Variants in NAV1 observed in about 807,000 individuals in gnomAD.
The protein encoded by NAV1 is pore membrane and/or filament interacting like protein 3.
A neutral mutation model predicts 175.2 loss-of-function variants in NAV1; 18 were observed. The ratio of observed to expected loss-of-function variants is 0.10; its 90% CI spans 0.07 to 0.15. The LOEUF (loss-of-function observed/expected upper bound fraction) is 0.15, where lower values mean the gene tolerates loss of function less well. Ranked by LOEUF, NAV1 falls within the 10% of genes least tolerant of loss-of-function variation. NAV1 has a pLI of 1.00. For synonymous variants in NAV1, 897 were observed against 978.7 expected (o/e 0.92, Z 1.56); for missense variants, 1,731 against 2,436.6 (o/e 0.71, Z 6.10).
intron 1 of NAV1, among the ~76,000 whole-genome samples, chr1:201,569,411 A>G (rs1558000974): frequency 6.6e-6 from 1 of 152,210 alleles, no homozygotes; most frequent in Non-Finnish European, 1.5e-5. Flanking sequence ...TCAGCTCTTG[A>G]AACAAATGAC....
chr1:201,664,877 A>G (rs1023217402), intron 1 of NAV1, among the ~76,000 whole-genome samples: 1 of 151,964 alleles, frequency 6.6e-6, no homozygotes, highest in African/African-American at 2.4e-5. Context: ...CAGGCCTGCC[A>G]TCTCTAGAAA....
At chr1:201,692,536 G>C (rs1261769585) in intron 1 of NAV1, among the ~76,000 whole-genome samples, 6 of 152,226 alleles carry the variant, frequency 3.9e-5, no homozygotes, top group South Asian at 2.1e-4. Flanking sequence ...AAAATCTTTA[G>C]AGTGAGTTCC....
At chr1:201,626,006 G>A (rs1668320548) in intron 1 of NAV1, among the ~76,000 whole-genome samples, 1 of 152,158 alleles carries the variant, frequency 6.6e-6, no homozygotes, top group African/African-American at 2.4e-5. Context: ...GGGTTGGAGA[G>A]AGGGTCATGG....
chr1:201,582,610 G>T (rs1666899854), intron 1 of NAV1, among the ~76,000 whole-genome samples: 1 of 152,234 alleles, frequency 6.6e-6, no homozygotes, highest in Admixed American at 6.5e-5. Context: ...GGAATGGTGA[G>T]GAATGGATGG....
In NAV1 at chr1:201,810,067, G is replaced by A. The variant is rs757792676; in HGVS notation, c.4523G>A (p.Cys1508Tyr). The A allele has an allele frequency of 4.3e-6, 7 of 1,613,628 alleles. No homozygotes were observed. Among genetic ancestry groups the A allele is most frequent in the Non-Finnish European group, 5.1e-6 (6 of 1,179,932 alleles). ...GCAGAGCCCCCCGAGATGCCTCCTT[G>A]CCGTCGAGGTGTCAATAACATATCA... Residue 1508 changes from cysteine (C) to tyrosine (Y), a missense_variant, in exon 23 of 30, where the codon TGC becomes TAC. Cys to Tyr is a radical substitution (Grantham distance 194). Coordinates refer to ENST00000367296, the Ensembl canonical transcript of NAV1. The surrounding 1 kb of genome is among the most constrained non-coding windows in gnomAD (Gnocchi z 6.0).
chr1:201,623,205 G>A (rs1284425918), exon 1 of NAV1: 55 of 985,848 alleles, frequency 5.6e-5, no homozygotes, highest in Non-Finnish European at 6.5e-5. Flanking sequence ...GGACAACCCC[G>A]AAAGCAGCCC....
chr1:201,700,010 C>T (rs2102438512), intron 1 of NAV1, among the ~76,000 whole-genome samples: 1 of 152,336 alleles, frequency 6.6e-6, no homozygotes. Flanking sequence ...CTAGGCAATA[C>T]CATTCAGGAC....
At position 201,807,849 on chromosome 1, in the gene NAV1, T is replaced by C. The variant is rs1571513178; in HGVS notation, c.3649-104T>C. On this transcript the variant is annotated intron_variant, in intron 17 of 29. Transcript: ENST00000367296. The surrounding 1 kb of genome is among the most constrained non-coding windows in gnomAD (Gnocchi z 5.4). ...TAGAGGGTGGCTTAATTAAAGTAAA[T>C]CCCCCGCCTCCAGCTCTCTCTGTCT... 9.0e-7 allele frequency: 1 copy of C among 1,113,536 alleles called. No individual in the cohort carries two copies. The allele number at this position is 1,113,536 out of a possible 1,614,324, so 69.0% of individuals were successfully genotyped here.
chr1:201,735,832 G>T (rs553366045), intron 3 of NAV1, among the ~76,000 whole-genome samples: 1 of 152,324 alleles, frequency 6.6e-6, no homozygotes, highest in African/African-American at 2.4e-5. Context: ...GTCATTGGGG[G>T]ATCTGGGAGC....
intron 2 of NAV1, among the ~76,000 whole-genome samples, chr1:201,639,595 C>T (rs908669370): frequency 1.4e-4 from 22 of 152,182 alleles, no homozygotes; most frequent in African/African-American, 5.3e-4. Flanking sequence ...ACCTCCCTAG[C>T]CCCCTGACTT....
chr1:201,635,457 G>A (rs1441166784), intron 2 of NAV1, among the ~76,000 whole-genome samples: 1 of 152,188 alleles, frequency 6.6e-6, no homozygotes, highest in Non-Finnish European at 1.5e-5. Flanking sequence ...GGCCCTTTAT[G>A]ATGTAGCCTA....
chr1:201,766,785 C>T (rs882624), intron 3 of NAV1, among the ~76,000 whole-genome samples: 35,988 of 152,036 alleles, frequency 0.24, 5,359 homozygotes, highest in Non-Finnish European at 0.34. Context: ...CAGCGCTTTC[C>T]AACAGAAATC....
At chr1:201,802,457 TAA>T (rs34494216) in intron 15 of NAV1, among the ~76,000 whole-genome samples, 152 of 101,060 alleles carry the variant, frequency 1.5e-3, no homozygotes, top group African/African-American at 4.7e-3. Flanking sequence ...CCTGTCTCAT[TAA>T]AAAAAAAAAA....
chr1:201,801,565 C>A (rs1261519460), intron 15 of NAV1, among the ~76,000 whole-genome samples: 2 of 152,120 alleles, frequency 1.3e-5, no homozygotes, highest in Non-Finnish European at 2.9e-5. Flanking sequence ...AAGTGATCGT[C>A]CTGCCTTGGC....
chr1:201,643,817 A>T (rs1668887274), upstream of NAV1, among the ~76,000 whole-genome samples: 1 of 152,160 alleles, frequency 6.6e-6, no homozygotes. Flanking sequence ...CCCAACTGAC[A>T]GATTCCCCAG....
chr1:201,556,508 A>G (rs1666018778), intron 1 of NAV1, among the ~76,000 whole-genome samples: 1 of 151,732 alleles, frequency 6.6e-6, no homozygotes, highest in African/African-American at 2.4e-5. Context: ...CAGTGGAGGG[A>G]CTGTAACCCC....
chr1:201,626,456 T>C (rs1668333081), intron 1 of NAV1, among the ~76,000 whole-genome samples: 1 of 152,180 alleles, frequency 6.6e-6, no homozygotes, highest in African/African-American at 2.4e-5. Context: ...AGCCCTCTCT[T>C]TTCAAGGGCC....
At chr1:201,661,469 T>G (rs1339642337) in intron 1 of NAV1, among the ~76,000 whole-genome samples, 2 of 152,078 alleles carry the variant, frequency 1.3e-5, no homozygotes, top group African/African-American at 4.8e-5. Context: ...AGGGCCAAAA[T>G]GGCTGGGATG....
intron 1 of NAV1, among the ~76,000 whole-genome samples, chr1:201,624,437 A>G (rs1044310663): frequency 7.7e-6 from 1 of 130,100 alleles, no homozygotes; most frequent in African/African-American, 3.0e-5. Flanking sequence ...TCCGCCTCCC[A>G]GGTTCACGCC....
Sources: allele counts gnomAD v4.1 joint callset (sites outside exome capture counted in the v4.1 genomes callset), GRCh38; gene constraint gnomAD v4.1.1; non-coding constraint Gnocchi (gnomAD v3.1); transcripts MANE v1.5; gene names NCBI Gene and HGNC (gene_info 2026-07-23, HGNC 2026-07-21).